CARD14: variants seen among roughly 807,000 people sequenced by gnomAD.
CARD14 encodes the protein caspase recruitment domain-containing protein 14.
In CARD14, 107 loss-of-function variants were observed where a neutral mutation model predicts 111.5. The ratio of observed to expected loss-of-function variants is 0.96; its 90% confidence interval spans 0.82 to 1.13. The LOEUF (loss-of-function observed/expected upper bound fraction) is 1.13, where lower values mean the gene tolerates loss of function less well. Ranked by LOEUF, CARD14 falls within the 50% of genes most tolerant of loss-of-function variation. The pLI is 0.00. For missense variants in CARD14, 1,322 were observed against 1,362.3 expected, an observed-to-expected ratio of 0.97 and a Z score of 0.47; for synonymous variants, 617 against 579.6, an observed-to-expected ratio of 1.06 and a Z score of -0.93.
intron 12 of CARD14, among the ~76,000 whole-genome samples, chr17:80,194,440 G>C (rs147610285): frequency 2.4e-3 from 361 of 152,324 alleles, no homozygotes; most frequent in African/African-American, 7.9e-3. Flanking sequence ...TCAGCGCCTC[G>C]CACGTCACAT....
rs1002692911 is a variant in CARD14, at chr17:80,208,486, C to T, written c.*141C>T. On this transcript the variant is annotated 3_prime_UTR_variant, in exon 24 of 24. Coordinates refer to ENST00000648509, the MANE Select transcript of CARD14 (RefSeq NM_001366385.1). ...CTCTCCCCACTGGCTGGGGTCTAAC[C>T]TTGAACCCTCACCACGTGCAGGTCA... 2 of 718,600 alleles carry T rather than the reference C, an allele frequency of 2.8e-6. No homozygotes were observed. Among genetic ancestry groups the T allele is most frequent in the Non-Finnish European group, 4.4e-6 (2 of 453,030 alleles). 44.5% of individuals were successfully genotyped at this position (718,600 alleles called of 1,614,324 possible).
chr17:80,195,403 C>T lies in CARD14; in HGVS notation c.1499+70C>T, dbSNP rs2040675325. 1.7e-5 allele frequency: 27 copies of T among 1,548,178 alleles called. No homozygotes were observed. Among genetic ancestry groups the T allele is most frequent in the Non-Finnish European group, 2.2e-5 (25 of 1,143,038 alleles). ...CCTTCCTGGCAACTCACCAGAGACA[C>T]CAACCTAGACCTCAGGGCATCTGGG... On this transcript the variant is annotated intron_variant, in intron 13 of 23. Coordinates refer to ENST00000648509, the MANE Select transcript of CARD14 (RefSeq NM_001366385.1). This position sits in a 1 kb window ranked among gnomAD's most constrained non-coding sequence, Gnocchi z 4.7.
chr17:80,192,261 C>A (rs765926828), intron 11 of CARD14: 34 of 425,314 alleles, frequency 8.0e-5, no homozygotes, highest in Non-Finnish European at 9.8e-5. Flanking sequence ...GTAAATCACA[C>A]ATATTCTAAA....
At chr17:80,183,264 T>C (rs573568683) in intron 6 of CARD14, among the ~76,000 whole-genome samples, 5 of 152,250 alleles carry the variant, frequency 3.3e-5, no homozygotes, top group Admixed American at 6.5e-5. Context: ...CAGGGAGTAA[T>C]TCTAGGCTTC....
At position 80,189,160 on chromosome 17, in the gene CARD14, T is replaced by C. The variant is rs8065364; in HGVS notation, c.844-593T>C. On this transcript the variant is annotated intron_variant, in intron 8 of 23. Coordinates refer to ENST00000648509, the MANE Select transcript of CARD14 (RefSeq NM_001366385.1). The surrounding 1 kb of genome is among the most constrained non-coding windows in gnomAD (Gnocchi z 4.7). ...CTTGGCCAATTGTAAAGCATGGGATTCGCGTTAAGGATGGGGGAAAGAAAC... is the reference window on the plus strand; with the variant it reads ...CTTGGCCAATTGTAAAGCATGGGATCCGCGTTAAGGATGGGGGAAAGAAAC... Among the ~76,000 whole-genome samples the C allele has an allele frequency of 0.28, 42,895 of 152,070 alleles. 6,201 individuals carry two copies. The highest frequency in any genetic ancestry group is 0.37 in the Middle Eastern group (110 of 294).
In CARD14 at chr17:80,181,521, A is replaced by C; in HGVS notation, c.83A>C (p.His28Pro). ...TLWEMMESHRHRIVRCICPSR... is the reference protein window; with the variant it reads ...TLWEMMESHRPRIVRCICPSR... ...TGGGAGATGATGGAGAGCCACCGCC[A>C]CAGGATCGTACGCTGCATCTGCCCC... The change falls in exon 5 of 24, where the codon CAC becomes CCC. Residue 28 changes from histidine (H) to proline (P), a missense_variant. His to Pro is a moderately conservative substitution (Grantham distance 77). Transcript: ENST00000648509. The C allele has an allele frequency of 6.3e-7, 1 of 1,588,444 alleles. No homozygotes were observed. Among genetic ancestry groups the C allele is most frequent in the South Asian group, 1.1e-5 (1 of 87,012 alleles).
chr17:80,180,692 C>T (rs1410858658), intron 4 of CARD14, among the ~76,000 whole-genome samples: 1 of 151,842 alleles, frequency 6.6e-6, no homozygotes, highest in East Asian at 1.9e-4. Context: ...AATTACCTTT[C>T]ATAAAGAACT....
intron 20 of CARD14, chr17:80,204,795 G>A: frequency 2.0e-6 from 1 of 493,352 alleles, no homozygotes. Context: ...GGATTAAGTT[G>A]CAGGCTGCAA....
rs1043655854 is a variant in CARD14 at position 80,187,696 on chromosome 17, C to T, written c.676-681C>T. 7.3e-6 allele frequency: 7 copies of T among 961,690 alleles called. No homozygotes were observed. The African/African-American group carries it at 8.8e-5, about 12-fold the overall frequency. 59.6% of individuals were successfully genotyped at this position (961,690 alleles called of 1,614,324 possible). ...CACCCACCCCGACGTGCAGACTTCC[C>T]GGGCTTGCCTCACGGGGAAAGTCCT... On this transcript the variant is annotated intron_variant, in intron 7 of 23. Coordinates refer to ENST00000648509, the MANE Select transcript of CARD14 (RefSeq NM_001366385.1).
At chr17:80,207,750 C>G (rs2041413803) in intron 23 of CARD14, 1 of 224,994 alleles carries the variant, frequency 4.4e-6, no homozygotes, top group African/African-American at 2.3e-5. Context: ...ACTCCCTCCC[C>G]CAAGAGCAGC....
chr17:80,184,009 T>A lies in CARD14; in HGVS notation c.446T>A (p.Leu149Gln), dbSNP rs1330889722. The A allele has an allele frequency of 6.3e-7, 1 of 1,588,474 alleles. No homozygotes were observed. Among genetic ancestry groups the A allele is most frequent in the Non-Finnish European group, 8.6e-7 (1 of 1,166,634 alleles). Residue 149 changes from leucine (L) to glutamine (Q), a missense_variant, in exon 7 of 24, where the codon CTG (leucine) becomes CAG (glutamine). Physicochemically the swap from Leu to Gln is moderately radical, Grantham distance 113. Coordinates refer to ENST00000648509, the MANE Select transcript of CARD14 (RefSeq NM_001366385.1). ...CAGGAAAAGGGGCAGAAGGAGGTGCTGCTGCGGCGGTGCCAGCAGCTGCAG... is the reference window on the plus strand; with the variant it reads ...CAGGAAAAGGGGCAGAAGGAGGTGCAGCTGCGGCGGTGCCAGCAGCTGCAG... Reference protein sequence around the residue: ...LNQEKGQKEVLLRRCQQLQEH... With the variant: ...LNQEKGQKEVQLRRCQQLQEH...
chr17:80,198,811 C>A lies in CARD14; in HGVS notation c.1851+220C>A. ...TGTCACCCGTGGTGCTGCTGCCATG[C>A]GGCGCTTCTGACCAGGGGTCTTTGC... On this transcript the variant is annotated intron_variant, in intron 16 of 23. Transcript: ENST00000648509. This position sits in a 1 kb window ranked among gnomAD's most constrained non-coding sequence, Gnocchi z 7.5. 17 of 1,480,718 alleles carry A rather than the reference C, an allele frequency of 1.1e-5. No individual in the cohort carries two copies. Among genetic ancestry groups the A allele is most frequent in the Non-Finnish European group, 1.5e-5 (17 of 1,121,134 alleles). 91.7% of individuals were successfully genotyped at this position (1,480,718 alleles called of 1,614,324 possible). A position where few individuals can be genotyped will look rare whatever the true frequency, so the allele number is the denominator to read the frequency against.
At position 80,202,010 on chromosome 17, in the gene CARD14, C is replaced by T. The variant is rs2144440677; in HGVS notation, c.1978+140C>T. The T allele has an allele frequency of 3.2e-6, 4 of 1,250,216 alleles. No homozygotes were observed. In the East Asian group the frequency reaches 9.4e-5, roughly 29 times the overall value. 77.4% of individuals were successfully genotyped at this position (1,250,216 alleles called of 1,614,324 possible). On this transcript the variant is annotated intron_variant, in intron 17 of 23. Coordinates refer to ENST00000648509, the MANE Select transcript of CARD14 (RefSeq NM_001366385.1). ...GATCAGCCAGGCTGTGCCCCAGGTC[C>T]CCAGGAGGCCCCCAAGCCAGCTGGA... is the stretch of plus-strand genomic sequence containing the variant.
At chr17:80,190,063 G>A (rs903159838) in intron 9 of CARD14, among the ~76,000 whole-genome samples, 191 bp downstream of exon 9, 3 of 152,142 alleles carry the variant, frequency 2.0e-5, no homozygotes, top group Non-Finnish European at 4.4e-5. Context: ...CCACAGCTAA[G>A]ACCATGGTCA....
In CARD14 at chr17:80,189,921, A is replaced by T. The variant is rs1348777147; in HGVS notation, c.963+49A>T. ...TTGTGACTCTCCTGGGGCTTGTCTCAGGGGTGCGGACAGGTCTGTGGGGAA... is the reference window on the plus strand; with the variant it reads ...TTGTGACTCTCCTGGGGCTTGTCTCTGGGGTGCGGACAGGTCTGTGGGGAA... On this transcript the variant is annotated intron_variant, in intron 9 of 23. Transcript: ENST00000648509. The surrounding 1 kb of genome is among the most constrained non-coding windows in gnomAD (Gnocchi z 4.7). 1 of 1,566,320 alleles carries T rather than the reference A, an allele frequency of 6.4e-7. No individual in the cohort carries two copies. Among genetic ancestry groups the T allele is most frequent in the African/African-American group, 1.4e-5 (1 of 71,088 alleles).
At chr17:80,193,428 G>GTTTCCAGGGGACCCGATTC (rs1555613323) in intron 12 of CARD14, among the ~76,000 whole-genome samples, 1 of 152,020 alleles carries the variant, frequency 6.6e-6, no homozygotes, top group Non-Finnish European at 1.5e-5. Flanking sequence ...ATGGTCCCTG[G>GTTTCCAGGGGACCCGATTC]GATGCCGGCC....
intron 1 of CARD14, among the ~76,000 whole-genome samples, chr17:80,172,124 G>A (rs919800960): frequency 3.3e-5 from 5 of 152,222 alleles, no homozygotes; most frequent in African/African-American, 1.2e-4. Context: ...TCATTTGCTA[G>A]AAACAAACAT....
intron 2 of CARD14, among the ~76,000 whole-genome samples, chr17:80,177,036 C>G (rs903653524): frequency 6.6e-6 from 1 of 152,164 alleles, no homozygotes. Context: ...GTTCTGGAGG[C>G]CAGAAGTCCA....
intron 4 of CARD14, among the ~76,000 whole-genome samples, chr17:80,180,712 G>A (rs1483420928): frequency 6.6e-6 from 1 of 151,950 alleles, no homozygotes; most frequent in Non-Finnish European, 1.5e-5. Flanking sequence ...TTATAAAGCA[G>A]CATTTCCAAA....
Sources: allele counts gnomAD v4.1 joint callset (sites outside exome capture counted in the v4.1 genomes callset), GRCh38; gene constraint gnomAD v4.1.1; non-coding constraint Gnocchi (gnomAD v3.1); transcripts MANE v1.5; gene names NCBI Gene and HGNC (gene_info 2026-07-23, HGNC 2026-07-21).